The following BAZ2B variants were observed in gnomAD, a reference collection of about 807,000 sequenced individuals.
BAZ2B encodes bromodomain adjacent to zinc finger domain protein 2B.
Under a neutral mutation model 246.0 loss-of-function variants are expected in BAZ2B, and 91 were observed. The observed-to-expected ratio is 0.37, with a 90% confidence interval of 0.31 to 0.44. The LOEUF (loss-of-function observed/expected upper bound fraction) is 0.44. Among genes scored for constraint, BAZ2B ranks in the 20% least tolerant of loss-of-function variants. The pLI is 1.00. For missense variants in BAZ2B, 2,332 were observed against 2,533.7 expected (o/e 0.92, Z 1.71); for synonymous variants, 855 against 860.0 (o/e 0.99, Z 0.10).
intron 3 of BAZ2B, chr2:159,459,982 T>C (rs1559500093): frequency 6.6e-6 from 1 of 152,102 alleles, no homozygotes. Context: ...GTTTCAATAT[T>C]ATTAATGTAA....
chr2:159,519,222 T>TTTTTTTC (rs2083797035), intron 2 of BAZ2B, among the ~76,000 whole-genome samples: 1 of 41,064 alleles, frequency 2.4e-5, no homozygotes, highest in Non-Finnish European at 6.4e-5. Context: ...TTTTTTTTTT[T>TTTTTTTC]TTTTTTTTTT....
chr2:159,645,492 A>T, the BAZ2B span, among the ~76,000 whole-genome samples: 6 of 151,928 alleles, frequency 3.9e-5, no homozygotes, highest in South Asian at 8.3e-4. Context: ...TGCAACCTAG[A>T]TCCCTCCCAT....
At chr2:159,595,092 T>C (rs1690347272) in intron 1 of BAZ2B, among the ~76,000 whole-genome samples, 1 of 149,682 alleles carries the variant, frequency 6.7e-6, no homozygotes, top group South Asian at 2.2e-4. Context: ...TTACTATGCA[T>C]CCTTTTAAAC....
chr2:159,508,748 T>A (rs1268359089), intron 2 of BAZ2B, among the ~76,000 whole-genome samples: 1 of 152,218 alleles, frequency 6.6e-6, no homozygotes, highest in East Asian at 1.9e-4. Flanking sequence ...AGTTTTCCTT[T>A]TATTTCCAGA....
At chr2:159,520,210 T>C (rs2083986351) in intron 2 of BAZ2B, among the ~76,000 whole-genome samples, 1 of 152,208 alleles carries the variant, frequency 6.6e-6, no homozygotes, top group Non-Finnish European at 1.5e-5. Flanking sequence ...CTGGTTTTCA[T>C]GTCAGGTAAA....
rs1336232037 is a variant in BAZ2B at position 159,356,026 on chromosome 2, C to T, written c.4214-5669G>A. 2.0e-5 allele frequency among the ~76,000 whole-genome samples: 3 copies of T among 152,314 alleles called. No individual in the cohort carries two copies. In the East Asian group the frequency reaches 5.8e-4, roughly 29 times the overall value. Reference sequence around the variant, plus strand: ...GAGATTGCCTCCGGTGCCTATGCCACCAGGGTCCTGGGTTTCAAGCACAAA... The same window carrying T: ...GAGATTGCCTCCGGTGCCTATGCCATCAGGGTCCTGGGTTTCAAGCACAAA... On this transcript the variant is annotated intron_variant, in intron 27 of 36. Coordinates refer to ENST00000392783, the MANE Select transcript of BAZ2B (RefSeq NM_013450.4).
chr2:159,341,986 C>T (rs1209951552), intron 31 of BAZ2B, among the ~76,000 whole-genome samples: 1 of 151,896 alleles, frequency 6.6e-6, no homozygotes, highest in Non-Finnish European at 1.5e-5. Context: ...AAATCAAACC[C>T]CAAATTAGTA....
chr2:159,674,355 G>A, the BAZ2B span, among the ~76,000 whole-genome samples: 4 of 141,096 alleles, frequency 2.8e-5, no homozygotes, highest in Admixed American at 7.2e-5. Flanking sequence ...AAAAAAGAAA[G>A]AAAGAAAAGG....
At chr2:159,419,878 G>A (rs1425087103) in intron 13 of BAZ2B, 1 of 152,120 alleles carries the variant, frequency 6.6e-6, no homozygotes. Context: ...TGTTGCATTA[G>A]GTGTGACAGT....
In BAZ2B at chr2:159,395,831, G is replaced by C. The variant is rs1207660983; in HGVS notation, c.3013C>G (p.Arg1005Gly). The stretch of plus-strand genomic sequence containing the variant: ...ATCATGTGTTGTCGCCTTCGCTCTC[G>C]TTCCTATTAGGCCAGATAAAATGTG... ...QQAVLLKHQE[R>G]ERRRQHMMLM... The change falls in exon 20 of 37, where the codon CGA becomes GGA. Residue 1005 changes from arginine (R) to glycine (G), a missense_variant. Physicochemically the swap from Arg to Gly is moderately radical, Grantham distance 125. Transcript: ENST00000392783. 1.9e-6 allele frequency: 3 copies of C among 1,608,924 alleles called. No individual in the cohort carries two copies. The highest frequency in any genetic ancestry group is 2.5e-6 in the Non-Finnish European group (3 of 1,177,264).
At chr2:159,580,843 T>C (rs569430155) in intron 1 of BAZ2B, among the ~76,000 whole-genome samples, 15 of 152,140 alleles carry the variant, frequency 9.9e-5, no homozygotes, top group Non-Finnish European at 1.5e-4. Flanking sequence ...ATAAATGGTG[T>C]TGGGAAAACT....
chr2:159,370,883 C>A (rs867082849), intron 27 of BAZ2B, among the ~76,000 whole-genome samples: 7 of 151,742 alleles, frequency 4.6e-5, no homozygotes, highest in African/African-American at 1.7e-4. Context: ...CTCACTGCAA[C>A]CTCTCCTTGC....
the BAZ2B span, among the ~76,000 whole-genome samples, chr2:159,638,595 T>C: frequency 6.6e-6 from 1 of 152,012 alleles, no homozygotes. Flanking sequence ...GAGTTGAAAA[T>C]GCAATTGACA....
At chr2:159,595,843 T>G (rs547087637) in intron 1 of BAZ2B, among the ~76,000 whole-genome samples, 1 of 152,350 alleles carries the variant, frequency 6.6e-6, no homozygotes, top group East Asian at 1.9e-4. Flanking sequence ...CTAAGGCAAA[T>G]ACCAAGCTGT....
chr2:159,551,540 T>C (rs1370317494), intron 2 of BAZ2B, among the ~76,000 whole-genome samples: 1 of 148,982 alleles, frequency 6.7e-6, no homozygotes, highest in African/African-American at 2.5e-5. Flanking sequence ...TAAATAAGAA[T>C]ATCTGAAGAT....
At position 159,519,236 on chromosome 2, in the gene BAZ2B, T is replaced by TTTTTA. The variant is rs1553692833; in HGVS notation, c.-3+36586_-3+36587insTAAAA. On this transcript the variant is annotated intron_variant, in intron 2 of 36. Transcript: ENST00000392783. Reference sequence around the variant, plus strand: ...TTTTTTTTTTTTTTTTTTTTTTTTTTTTTTGAGACGGAGTCTCGCTCTGTC... The same window carrying TTTTTA: ...TTTTTTTTTTTTTTTTTTTTTTTTTTTTTTATTTTGAGACGGAGTCTCGCTCTGTC... Among the ~76,000 whole-genome samples the TTTTTA allele has an allele frequency of 5.7e-5, 4 of 70,612 alleles. 1 individual carries two copies. Among genetic ancestry groups the TTTTTA allele is most frequent in the Non-Finnish European group, 8.4e-5 (3 of 35,890 alleles). The allele number at this position is 70,612 out of a possible 152,430, so 46.3% of individuals were successfully genotyped here. A position where few individuals can be genotyped will look rare whatever the true frequency, so the allele number is the denominator to read the frequency against.
intron 21 of BAZ2B, among the ~76,000 whole-genome samples, chr2:159,387,112 G>A (rs1023326658): frequency 1.3e-5 from 2 of 152,058 alleles, no homozygotes; most frequent in Non-Finnish European, 2.9e-5. Context: ...CTCTATGGTT[G>A]GAGAAAGTGG....
intron 2 of BAZ2B, among the ~76,000 whole-genome samples, chr2:159,544,613 T>C (rs2087080683): frequency 6.6e-6 from 1 of 152,186 alleles, no homozygotes; most frequent in Admixed American, 6.6e-5. Flanking sequence ...ATGGAGGTTC[T>C]GCAATTTAAA....
In BAZ2B at chr2:159,415,110, C is replaced by T. The variant is rs1323413328; in HGVS notation, c.2467-2565G>A. Among the ~76,000 whole-genome samples, 3 of 151,992 alleles carry T rather than the reference C, an allele frequency of 2.0e-5. No individual in the cohort carries two copies. The East Asian group carries it at 5.8e-4, about 29-fold the overall frequency. Reference sequence around the variant, plus strand: ...CTATTTCTGTATATATTTGAGATTTCTCATCATAAGCCTCCTAGTGGAGGC... The same window carrying T: ...CTATTTCTGTATATATTTGAGATTTTTCATCATAAGCCTCCTAGTGGAGGC... On this transcript the variant is annotated intron_variant, in intron 13 of 36. Transcript: ENST00000392783.
Sources: allele counts gnomAD v4.1 joint callset (sites outside exome capture counted in the v4.1 genomes callset), GRCh38; gene constraint gnomAD v4.1.1; transcripts MANE v1.5; gene names NCBI Gene and HGNC (gene_info 2026-07-23, HGNC 2026-07-21).